TMEM178B: variants seen among roughly 807,000 people sequenced by gnomAD.
TMEM178B encodes the protein transmembrane protein 178B.
In TMEM178B, 5 loss-of-function variants were observed where a neutral mutation model predicts 31.0. The ratio of observed to expected loss-of-function variants is 0.16; its 90% confidence interval spans 0.08 to 0.34. TMEM178B has a LOEUF of 0.34. Among genes scored for constraint, TMEM178B ranks in the 10% least tolerant of loss-of-function variants. The pLI, the probability that TMEM178B is intolerant of heterozygous loss-of-function variation, is 1.00. For missense variants in TMEM178B, 275 were observed against 400.3 expected (o/e 0.69, Z 2.67); for synonymous variants, 164 against 164.0 (o/e 1.00, Z 0.00).
In TMEM178B at chr7:141,438,696, TAAAAAAA is replaced by T. The variant is rs869132131; in HGVS notation, c.634+975_634+981del. Among the ~76,000 whole-genome samples, 36 of 29,006 alleles carry T rather than the reference TAAAAAAA, an allele frequency of 1.2e-3. 3 individuals carry two copies. The highest frequency in any genetic ancestry group is 1.7e-3 in the Admixed American group (3 of 1,746). The allele number at this position is 29,006 out of a possible 152,430, so 19.0% of individuals were successfully genotyped here. ...CAGCTTGGTAAAACCCCGTCTCTACTAAAAAAAAAAAAAAAAAAAAAAAAAAAAAATT... is the reference window on the plus strand; with the variant it reads ...CAGCTTGGTAAAACCCCGTCTCTACTAAAAAAAAAAAAAAAAAAAAAAATT... On this transcript the variant is annotated intron_variant, in intron 3 of 3. Transcript: ENST00000565468.
In TMEM178B at chr7:141,182,435, T is replaced by C. The variant is rs1337614492; in HGVS notation, c.383-30156T>C. ...ATCCCTGTATTGTATATTCCCCTTATATGTATTTAAACATGAGTTTTAACA... is the reference window on the plus strand; with the variant it reads ...ATCCCTGTATTGTATATTCCCCTTACATGTATTTAAACATGAGTTTTAACA... On this transcript the variant is annotated intron_variant, in intron 1 of 3. Transcript: ENST00000565468. 2.6e-5 allele frequency among the ~76,000 whole-genome samples: 4 copies of C among 152,352 alleles called. No homozygotes were observed. The East Asian group carries it at 7.7e-4, about 29-fold the overall frequency.
Position 141,248,482 on chromosome 7 carries a change from T to C in TMEM178B, c.496+35778T>C, listed in dbSNP as rs565840198. Among the ~76,000 whole-genome samples the C allele has an allele frequency of 2.0e-5, 3 of 152,356 alleles. No homozygotes were observed. The East Asian group carries it at 5.8e-4, about 29-fold the overall frequency. ...AGAAATGCATCATTAAGCAATGTTG[T>C]TGCTGTGTCAACATCCTGGAGTGTA... is the stretch of plus-strand genomic sequence containing the variant. On this transcript the variant is annotated intron_variant, in intron 2 of 3. Transcript: ENST00000565468.
intron 2 of TMEM178B, among the ~76,000 whole-genome samples, chr7:141,239,314 G>A (rs772820800): frequency 2.3e-4 from 35 of 152,164 alleles, no homozygotes; most frequent in Non-Finnish European, 2.4e-4. Flanking sequence ...AGGGAGGGAG[G>A]GAGGAAGGCA....
intron 1 of TMEM178B, among the ~76,000 whole-genome samples, chr7:141,122,448 C>T (rs1287057950): frequency 2.0e-5 from 3 of 152,184 alleles, no homozygotes; most frequent in Non-Finnish European, 2.9e-5. Flanking sequence ...GAATTTTATG[C>T]TTGTCAGTCT....
At chr7:141,135,822 A>G (rs1795666807) in intron 1 of TMEM178B, among the ~76,000 whole-genome samples, 1 of 152,214 alleles carries the variant, frequency 6.6e-6, no homozygotes, top group Non-Finnish European at 1.5e-5. Flanking sequence ...TCAGGAAACT[A>G]GAAACGCAGG....
At chr7:141,418,048 A>G (rs572544377) in intron 2 of TMEM178B, among the ~76,000 whole-genome samples, 1 of 152,318 alleles carries the variant, frequency 6.6e-6, no homozygotes, top group African/African-American at 2.4e-5. Flanking sequence ...GTGGTCTGCT[A>G]TATTGACTTG....
chr7:141,262,351 C>T (rs1200718243), intron 2 of TMEM178B, among the ~76,000 whole-genome samples: 6 of 151,654 alleles, frequency 4.0e-5, no homozygotes, highest in Admixed American at 6.6e-5. Context: ...ATATTTGGGC[C>T]GAGAAATGAT....
intron 2 of TMEM178B, among the ~76,000 whole-genome samples, chr7:141,410,401 C>CCTTTT (rs548089809): frequency 4.0e-5 from 6 of 149,858 alleles, no homozygotes; most frequent in South Asian, 2.1e-4. Flanking sequence ...TGTCCTTGGT[C>CCTTTT]CTTTTCTTTT....
chr7:141,232,628 A>G (rs947330325), intron 2 of TMEM178B, among the ~76,000 whole-genome samples: 1 of 152,230 alleles, frequency 6.6e-6, no homozygotes, highest in Non-Finnish European at 1.5e-5. Context: ...TTTAATTCTT[A>G]GTTGAAATAG....
intron 1 of TMEM178B, among the ~76,000 whole-genome samples, chr7:141,209,547 T>G (rs1797017579): frequency 6.6e-6 from 1 of 152,240 alleles, no homozygotes; most frequent in Non-Finnish European, 1.5e-5. Context: ...TATTGGTGCT[T>G]ACCTTGTGCT....
the TMEM178B span, among the ~76,000 whole-genome samples, chr7:141,488,987 G>A: frequency 6.6e-6 from 1 of 152,034 alleles, no homozygotes; most frequent in Non-Finnish European, 1.5e-5. Flanking sequence ...GGAGGAGGAG[G>A]AGGAGAAAGA....
intron 2 of TMEM178B, among the ~76,000 whole-genome samples, chr7:141,406,483 A>T (rs1414818051): frequency 1.3e-5 from 2 of 152,224 alleles, no homozygotes; most frequent in Non-Finnish European, 2.9e-5. Flanking sequence ...ACAACTACTA[A>T]TTCAGCCCCA....
chr7:141,203,590 C>A (rs956510518), intron 1 of TMEM178B, among the ~76,000 whole-genome samples: 2 of 152,238 alleles, frequency 1.3e-5, no homozygotes, highest in East Asian at 3.8e-4. Context: ...AAATCTTCCA[C>A]CCAACAGTGA....
At chr7:141,079,845 A>T (rs1415691712) in intron 1 of TMEM178B, among the ~76,000 whole-genome samples, 1 of 152,152 alleles carries the variant, frequency 6.6e-6, no homozygotes, top group Non-Finnish European at 1.5e-5. Flanking sequence ...TTCTCATCCT[A>T]AATTTGAGGG....
At chr7:141,151,316 C>T (rs374448947) in intron 1 of TMEM178B, among the ~76,000 whole-genome samples, 1 of 152,194 alleles carries the variant, frequency 6.6e-6, no homozygotes, top group Admixed American at 6.5e-5. Context: ...TTAGACCTCA[C>T]CACAACCCTG....
chr7:141,195,892 C>T (rs1358346921), intron 1 of TMEM178B, among the ~76,000 whole-genome samples: 9 of 152,106 alleles, frequency 5.9e-5, no homozygotes, highest in African/African-American at 2.2e-4. Flanking sequence ...GCAGAAGCCC[C>T]CAGTAAACCC....
In TMEM178B at chr7:141,404,222, G is replaced by A. The variant is rs1253130711; in HGVS notation, c.497-33386G>A. On this transcript the variant is annotated intron_variant, in intron 2 of 3. Coordinates refer to ENST00000565468, the MANE Select transcript of TMEM178B (RefSeq NM_001195278.2). Reference sequence around the variant, plus strand: ...CAGGTGGCTGAGGCAGGAGAATGGCGTGAACCCAGGAAGCGGAGCTTGCAA... The same window carrying A: ...CAGGTGGCTGAGGCAGGAGAATGGCATGAACCCAGGAAGCGGAGCTTGCAA... Among the ~76,000 whole-genome samples, 6 of 152,166 alleles carry A rather than the reference G, an allele frequency of 3.9e-5. No individual in the cohort carries two copies. The South Asian group carries it at 1.2e-3, about 31-fold the overall frequency.
intron 1 of TMEM178B, among the ~76,000 whole-genome samples, chr7:141,144,166 A>G (rs1795816787): frequency 6.6e-6 from 1 of 152,182 alleles, no homozygotes; most frequent in African/African-American, 2.4e-5. Context: ...GCGTCAGTAA[A>G]GACAATTTGA....
At chr7:141,220,212 C>T (rs1275298461) in intron 2 of TMEM178B, among the ~76,000 whole-genome samples, 1 of 32,380 alleles carries the variant, frequency 3.1e-5, no homozygotes, top group Non-Finnish European at 4.6e-5. Context: ...GAGGCTGAGG[C>T]AGAGGCAGGA....
Sources: allele counts gnomAD v4.1 joint callset (sites outside exome capture counted in the v4.1 genomes callset), GRCh38; gene constraint gnomAD v4.1.1; transcripts MANE v1.5; gene names NCBI Gene and HGNC (gene_info 2026-07-23, HGNC 2026-07-21).